HSD17B12: variants seen among roughly 807,000 people sequenced by gnomAD.
The protein encoded by HSD17B12 is hydroxysteroid 17-beta dehydrogenase 12.
In HSD17B12, 32 loss-of-function variants were observed where a neutral mutation model predicts 39.3. The observed-to-expected ratio is 0.81, with a 90% confidence interval of 0.61 to 1.09. The LOEUF is 1.09. Ranked by LOEUF, HSD17B12 falls within the 50% of genes least tolerant of loss-of-function variation. The pLI is 0.00. For synonymous variants in HSD17B12, 150 were observed against 146.7 expected, an observed-to-expected ratio of 1.02 and a Z score of -0.16; for missense variants, 342 against 382.9, an observed-to-expected ratio of 0.89 and a Z score of 0.89.
At chr11:43,562,698 G>C in the HSD17B12 span, among the ~76,000 whole-genome samples, 1 of 152,126 alleles carries the variant, frequency 6.6e-6, no homozygotes, top group Non-Finnish European at 1.5e-5. Context: ...TCTGAAATTA[G>C]CAGAGACCTC....
At chr11:43,614,062 C>G in the HSD17B12 span, among the ~76,000 whole-genome samples, 87 of 152,192 alleles carry the variant, frequency 5.7e-4, no homozygotes, top group African/African-American at 2.1e-3. Flanking sequence ...TATTATGAGC[C>G]ACACTTTTAC....
chr11:43,739,822 C>T (rs969493976), intron 1 of HSD17B12, among the ~76,000 whole-genome samples: 6 of 152,114 alleles, frequency 3.9e-5, no homozygotes, highest in Admixed American at 2.6e-4. Flanking sequence ...TTCAGCACAA[C>T]TGGGGCATGC....
intron 1 of HSD17B12, among the ~76,000 whole-genome samples, chr11:43,738,056 C>CAAA (rs759642092): frequency 4.2e-5 from 4 of 94,874 alleles, no homozygotes; most frequent in Non-Finnish European, 8.6e-5. Context: ...GACTCTGTCC[C>CAAA]AAAAAAAAAA....
the HSD17B12 span, among the ~76,000 whole-genome samples, chr11:43,595,514 G>A: frequency 2.6e-5 from 4 of 152,190 alleles, no homozygotes; most frequent in African/African-American, 7.2e-5. Context: ...TCCTCTGGAC[G>A]ACTAGTCAGT....
At chr11:43,734,716 A>G (rs1230790155) in intron 1 of HSD17B12, among the ~76,000 whole-genome samples, 2 of 152,254 alleles carry the variant, frequency 1.3e-5, no homozygotes, top group Non-Finnish European at 2.9e-5. Context: ...AAATCACTTC[A>G]GAAACCCCAT....
chr11:43,664,738 G>T, the HSD17B12 span, among the ~76,000 whole-genome samples: 7 of 152,182 alleles, frequency 4.6e-5, no homozygotes, highest in Admixed American at 2.0e-4. Context: ...CCCTAAGAGG[G>T]GTCCCTGCTC....
At chr11:43,658,225 G>A in the HSD17B12 span, among the ~76,000 whole-genome samples, 8 of 152,082 alleles carry the variant, frequency 5.3e-5, no homozygotes, top group South Asian at 2.1e-4. Context: ...TGTAGTTCTC[G>A]TGACATGGTT....
chr11:43,694,874 T>C (rs1949895849), intron 1 of HSD17B12, among the ~76,000 whole-genome samples: 1 of 151,986 alleles, frequency 6.6e-6, no homozygotes, highest in South Asian at 2.1e-4. Context: ...AGATGATTCT[T>C]AAGGTCATGC....
chr11:43,559,425 C>G, the HSD17B12 span, among the ~76,000 whole-genome samples: 6 of 152,232 alleles, frequency 3.9e-5, no homozygotes, highest in African/African-American at 1.4e-4. Context: ...AAGACCACCT[C>G]TCTCAGGTTC....
upstream of HSD17B12, chr11:43,680,524 C>A (rs1231243166): frequency 2.1e-5 from 9 of 427,264 alleles, no homozygotes; most frequent in Non-Finnish European, 3.9e-5. Flanking sequence ...CAATGAGAGA[C>A]CGGGGCGCCT....
rs1483103427 is a variant in HSD17B12, at chr11:43,817,016, CTA to C, written c.501+629_501+630del. Among the ~76,000 whole-genome samples, 248 of 26,150 alleles carry C rather than the reference CTA, an allele frequency of 9.5e-3. 5 individuals are homozygous for C. The highest frequency in any genetic ancestry group is 0.019 in the Non-Finnish European group (193 of 10,408). The allele number at this position is 26,150 out of a possible 152,430, so 17.2% of individuals were successfully genotyped here. On this transcript the variant is annotated intron_variant, in intron 6 of 10. Transcript: ENST00000278353. Reference sequence around the variant, plus strand: ...TCTATATCTATATCTATATCTATATCTATATCTATATCTATATCTATATCTAT... The same window carrying C: ...TCTATATCTATATCTATATCTATATCTATCTATATCTATATCTATATCTAT...
the HSD17B12 span, among the ~76,000 whole-genome samples, chr11:43,609,228 C>T: frequency 1.3e-5 from 2 of 151,832 alleles, no homozygotes; most frequent in Non-Finnish European, 2.9e-5. Flanking sequence ...GCATGAGCCA[C>T]CACACCCAAC....
chr11:43,579,901 G>A, the HSD17B12 span, among the ~76,000 whole-genome samples: 2 of 152,108 alleles, frequency 1.3e-5, no homozygotes, highest in African/African-American at 4.8e-5. Context: ...CCGCCCGCAC[G>A]TCGATTCCAG....
At chr11:43,721,851 T>C (rs772165870) in intron 1 of HSD17B12, among the ~76,000 whole-genome samples, 2 of 152,162 alleles carry the variant, frequency 1.3e-5, no homozygotes, top group Non-Finnish European at 2.9e-5. Flanking sequence ...GCTAAGGTTG[T>C]GATGTCATTT....
chr11:43,720,301 T>C (rs1950165100), intron 1 of HSD17B12, among the ~76,000 whole-genome samples: 1 of 152,266 alleles, frequency 6.6e-6, no homozygotes, highest in African/African-American at 2.4e-5. Context: ...AGCCAGTTGG[T>C]ACTACTTTCA....
the HSD17B12 span, among the ~76,000 whole-genome samples, chr11:43,611,205 T>C: frequency 6.6e-6 from 1 of 152,212 alleles, no homozygotes; most frequent in Non-Finnish European, 1.5e-5. Context: ...TTTAATATCA[T>C]TTTTAAAAAG....
chr11:43,593,660 A>C, the HSD17B12 span, among the ~76,000 whole-genome samples: 1 of 152,202 alleles, frequency 6.6e-6, no homozygotes, highest in African/African-American at 2.4e-5. Context: ...AAAAGCAGTA[A>C]GAAATATAAT....
intron 1 of HSD17B12, among the ~76,000 whole-genome samples, chr11:43,685,832 T>A (rs1404892897): frequency 1.3e-5 from 2 of 152,190 alleles, no homozygotes; most frequent in Non-Finnish European, 2.9e-5. Context: ...AAAATTTAAA[T>A]TTTTGTTTTA....
chr11:43,727,654 A>G (rs1407061267), intron 1 of HSD17B12, among the ~76,000 whole-genome samples: 2 of 152,172 alleles, frequency 1.3e-5, no homozygotes, highest in African/African-American at 2.4e-5. Context: ...TTCCCATCAT[A>G]GTACAAACCA....
Sources: gnomAD v4.1 joint callset for allele counts (sites outside exome capture counted in the v4.1 genomes callset) on GRCh38, gnomAD v4.1.1 for gene constraint, MANE v1.5 for transcripts, NCBI Gene and HGNC (gene_info 2026-07-23, HGNC 2026-07-21) for gene names.